Variants in TSPAN8 observed in about 807,000 individuals in gnomAD.
TSPAN8 encodes tetraspanin 8.
TSPAN8 carries 21 observed loss-of-function variants against 32.8 expected under a neutral mutation model. The observed-to-expected ratio is 0.64, with a 90% CI of 0.45 to 0.92. The LOEUF (loss-of-function observed/expected upper bound fraction) is 0.92. Ranked by LOEUF, TSPAN8 falls within the 40% of genes least tolerant of loss-of-function variation. The probability of loss-of-function intolerance (pLI) is 0.00; values close to 1 mark genes in which losing one functional copy is unlikely to be tolerated. For synonymous variants in TSPAN8, 95 were observed against 94.6 expected (o/e 1.00, Z -0.03); for missense variants, 269 against 281.9 (o/e 0.95, Z 0.33).
intron 8 of TSPAN8, among the ~76,000 whole-genome samples, chr12:71,129,082 G>C: frequency 6.6e-6 from 1 of 152,086 alleles, no homozygotes; most frequent in Non-Finnish European, 1.5e-5. Flanking sequence ...CTTTTTCCCG[G>C]TAGAGAGGTC....
In TSPAN8 at chr12:71,125,218, A is replaced by G; in HGVS notation, c.*116T>C. The G allele has an allele frequency of 2.4e-6, 2 of 817,166 alleles. No individual in the cohort carries two copies. The highest frequency in any genetic ancestry group is 4.0e-6 in the Non-Finnish European group (2 of 505,938). 50.6% of individuals were successfully genotyped at this position (817,166 alleles called of 1,614,324 possible). On this transcript the variant is annotated 3_prime_UTR_variant, in exon 9 of 9. Transcript: ENST00000247829. ...GATATCTGTGGTCTAGCTAGCCGAG[A>G]CATTTTAAAAAGACAGCTGCTCCTG...
chr12:71,152,375 C>T (rs1299758803), intron 2 of TSPAN8, among the ~76,000 whole-genome samples: 1 of 152,206 alleles, frequency 6.6e-6, no homozygotes, highest in East Asian at 1.9e-4. Flanking sequence ...ATTTATTCAT[C>T]ACTATGCCAA....
intron 7 of TSPAN8, 35 bp from the exon 8 acceptor site, chr12:71,129,449 C>T (rs757612226): frequency 3.3e-6 from 5 of 1,526,388 alleles, no homozygotes; most frequent in South Asian, 1.2e-5. Context: ...AGTTACCTCT[C>T]AGAAAAATTC....
chr12:71,153,211 C>T (rs917740629), intron 2 of TSPAN8, among the ~76,000 whole-genome samples: 2 of 152,156 alleles, frequency 1.3e-5, no homozygotes, highest in African/African-American at 4.8e-5. Flanking sequence ...CTTGAACTAT[C>T]TGAGAGGAGC....
intron 2 of TSPAN8, among the ~76,000 whole-genome samples, chr12:71,152,813 G>C (rs1486920791): frequency 3.3e-5 from 5 of 152,142 alleles, no homozygotes; most frequent in Admixed American, 6.5e-5. Flanking sequence ...ATTCCTTTTA[G>C]TGTACCACCA....
chr12:71,125,849 T>C (rs1022492323), intron 8 of TSPAN8, among the ~76,000 whole-genome samples: 2 of 151,710 alleles, frequency 1.3e-5, no homozygotes, highest in Non-Finnish European at 2.9e-5. Context: ...TTGCTGTAGT[T>C]TTAGGCATTT....
chr12:71,125,549 A>G (rs1871324984), intron 8 of TSPAN8, among the ~76,000 whole-genome samples, 162 bp from the exon 9 acceptor site: 1 of 152,218 alleles, frequency 6.6e-6, no homozygotes, highest in Non-Finnish European at 1.5e-5. Context: ...CCAATGGGAC[A>G]AAAGAGCACT....
intron 7 of TSPAN8, among the ~76,000 whole-genome samples, chr12:71,129,928 G>T (rs1462715686): frequency 6.6e-6 from 1 of 150,470 alleles, no homozygotes; most frequent in Non-Finnish European, 1.5e-5. Flanking sequence ...TTAAAACAAG[G>T]TATTTTCTTT....
intron 2 of TSPAN8, among the ~76,000 whole-genome samples, chr12:71,155,573 T>C (rs118135014): frequency 9.2e-5 from 14 of 152,272 alleles, no homozygotes; most frequent in Non-Finnish European, 1.6e-4. Context: ...GTGGACCTTA[T>C]TTAGATCCTG....
At chr12:71,136,271 C>T (rs1244536160) in intron 6 of TSPAN8, among the ~76,000 whole-genome samples, 1 of 152,032 alleles carries the variant, frequency 6.6e-6, no homozygotes, top group African/African-American at 2.4e-5. Context: ...TAATGTAAAT[C>T]CTAGGGAGGC....
At chr12:71,142,600 A>G (rs1871935781) in intron 3 of TSPAN8, among the ~76,000 whole-genome samples, 2 of 152,166 alleles carry the variant, frequency 1.3e-5, no homozygotes, top group African/African-American at 4.8e-5. Context: ...TCTTGGGCTC[A>G]CACACCAGAG....
chr12:71,154,207 G>T (rs1354953326), intron 2 of TSPAN8, among the ~76,000 whole-genome samples: 1 of 151,910 alleles, frequency 6.6e-6, no homozygotes, highest in Non-Finnish European at 1.5e-5. Context: ...CTACTCGGGA[G>T]GCTGAGGCAG....
intron 8 of TSPAN8, among the ~76,000 whole-genome samples, chr12:71,125,983 C>G (rs962482868): frequency 2.6e-5 from 4 of 152,104 alleles, no homozygotes; most frequent in African/African-American, 9.7e-5. Context: ...GGCATAATTT[C>G]CATCTCAAGT....
At chr12:71,144,061 C>A in intron 3 of TSPAN8, 90 bp downstream of exon 3, 4 of 1,139,420 alleles carry the variant, frequency 3.5e-6, no homozygotes, top group South Asian at 1.5e-5. Context: ...ATGTTTTAGA[C>A]ATGTTTATTA....
At chr12:71,140,678 T>C (rs944975356) in intron 3 of TSPAN8, among the ~76,000 whole-genome samples, 2 of 152,222 alleles carry the variant, frequency 1.3e-5, no homozygotes, top group Admixed American at 1.3e-4. Flanking sequence ...AACACACACA[T>C]ACTCGTCTTC....
chr12:71,149,692 A>G (rs1044185528), intron 2 of TSPAN8, among the ~76,000 whole-genome samples: 10 of 152,224 alleles, frequency 6.6e-5, no homozygotes, highest in Admixed American at 5.2e-4. Flanking sequence ...TCTTACTTTA[A>G]TCTCTTAATC....
intron 2 of TSPAN8, among the ~76,000 whole-genome samples, chr12:71,145,512 A>C (rs1872049706): frequency 6.6e-6 from 1 of 152,126 alleles, no homozygotes; most frequent in Admixed American, 6.6e-5. Flanking sequence ...ACACACACAC[A>C]CCATAAAATA....
At chr12:71,129,488 A>G in intron 7 of TSPAN8, 74 bp from the exon 8 acceptor site, 1 of 1,384,180 alleles carries the variant, frequency 7.2e-7, no homozygotes, top group Non-Finnish European at 9.6e-7. Context: ...ATTTTTATTA[A>G]TCTGGTTGAC....
At chr12:71,129,951 C>CTT (rs35715058) in intron 7 of TSPAN8, among the ~76,000 whole-genome samples, 11 of 140,196 alleles carry the variant, frequency 7.8e-5, no homozygotes, top group African/African-American at 2.1e-4. Context: ...TTCTTTCTTT[C>CTT]TTTTTTTTTT....
Sources: gnomAD v4.1 joint callset for allele counts (sites outside exome capture counted in the v4.1 genomes callset) on GRCh38, gnomAD v4.1.1 for gene constraint, MANE v1.5 for transcripts, NCBI Gene and HGNC (gene_info 2026-07-23, HGNC 2026-07-21) for gene names.